DIP2C: variants seen among roughly 807,000 people sequenced by gnomAD.
DIP2C encodes the protein DIP2 acetate--CoA ligase C (putative), also known as disco-interacting protein 2 homolog C.
In DIP2C, 33 loss-of-function variants were observed where a neutral mutation model predicts 192.4. The ratio of observed to expected loss-of-function variants is 0.17; its 90% CI spans 0.13 to 0.23. The LOEUF (loss-of-function observed/expected upper bound fraction) is 0.23. Ranked by LOEUF, DIP2C falls within the 10% of genes least tolerant of loss-of-function variation. The pLI is 1.00. For synonymous variants in DIP2C, 979 were observed against 864.1 expected, an observed-to-expected ratio of 1.13 and a Z score of -2.33; for missense variants, 1,537 against 2,110.1, an observed-to-expected ratio of 0.73 and a Z score of 5.32.
intron 10 of DIP2C, 115 bp downstream of exon 10, chr10:398,994 C>T: frequency 1.1e-6 from 1 of 870,020 alleles, no homozygotes; most frequent in South Asian, 1.6e-5. Flanking sequence ...ATCGAGGCAA[C>T]CGAAGGAAAC....
intron 1 of DIP2C, among the ~76,000 whole-genome samples, chr10:506,442 C>G (rs1845599386): frequency 6.6e-6 from 1 of 152,144 alleles, no homozygotes; most frequent in Admixed American, 6.5e-5. Flanking sequence ...GGGTCTGAGG[C>G]TTTCAACTGT....
rs1295316637 is a variant in DIP2C at position 341,056 on chromosome 10, T to G, written c.3584+143A>C. ...CGAGAGCCAAGTCCACCAGGAGAAGTAGAGGGACACGGGTAAGCCCCAGGC... is the reference window on the plus strand; with the variant it reads ...CGAGAGCCAAGTCCACCAGGAGAAGGAGAGGGACACGGGTAAGCCCCAGGC... On this transcript the variant is annotated intron_variant, in intron 29 of 36. Transcript: ENST00000280886. 10 of 1,171,004 alleles carry G rather than the reference T, an allele frequency of 8.5e-6. No individual in the cohort carries two copies. In the East Asian group the frequency reaches 2.1e-4, roughly 25 times the overall value. 72.5% of individuals were successfully genotyped at this position (1,171,004 alleles called of 1,614,324 possible).
At chr10:606,936 C>A (rs1203579171) in intron 1 of DIP2C, among the ~76,000 whole-genome samples, 1 of 152,166 alleles carries the variant, frequency 6.6e-6, no homozygotes, top group East Asian at 1.9e-4. Flanking sequence ...TTCCAAGCAA[C>A]TAGGCAGCCA....
chr10:378,895 G>A (rs1190798066), intron 17 of DIP2C, among the ~76,000 whole-genome samples: 1 of 152,226 alleles, frequency 6.6e-6, no homozygotes, highest in Non-Finnish European at 1.5e-5. Flanking sequence ...ACACAGACAT[G>A]CATAAAGACA....
intron 2 of DIP2C, among the ~76,000 whole-genome samples, chr10:476,761 T>C (rs1237551689): frequency 6.6e-6 from 1 of 152,174 alleles, no homozygotes; most frequent in Non-Finnish European, 1.5e-5. Context: ...TCTGGCTTGT[T>C]TTGAAAACAG....
chr10:382,745 G>C lies in DIP2C; in HGVS notation c.1893C>G (p.Cys631Trp). 6.2e-7 allele frequency: 1 copy of C among 1,612,354 alleles called. No individual in the cohort carries two copies. The highest frequency in any genetic ancestry group is 8.5e-7 in the Non-Finnish European group (1 of 1,179,176). ...DGANPWSISS[C>W]DAFLNVFQSK... ...TTTGGAAGACATTGAGAAATGCATC[G>C]CAAGAAGAAATAGACCCTAGAGTGA... Residue 631 changes from cysteine to tryptophan, a missense_variant, in exon 17 of 37, where the codon TGC (cysteine) becomes TGG (tryptophan). Cys to Trp is a radical substitution (Grantham distance 215, BLOSUM62 -2). Coordinates refer to ENST00000280886, the MANE Select transcript of DIP2C (RefSeq NM_014974.3).
At chr10:655,199 G>A (rs1179002309) in intron 1 of DIP2C, among the ~76,000 whole-genome samples, 2 of 152,170 alleles carry the variant, frequency 1.3e-5, no homozygotes, top group Non-Finnish European at 2.9e-5. Flanking sequence ...TAGTCAACTG[G>A]GAAGGGGGCA....
intron 31 of DIP2C, among the ~76,000 whole-genome samples, chr10:321,631 G>A (rs1272439361): frequency 6.6e-5 from 8 of 120,670 alleles, no homozygotes; most frequent in African/African-American, 1.3e-4. Flanking sequence ...CGGGGGTGCG[G>A]GGCTCCGGCG....
At chr10:491,157 C>T (rs952043341) in intron 1 of DIP2C, among the ~76,000 whole-genome samples, 2 of 152,124 alleles carry the variant, frequency 1.3e-5, no homozygotes, top group South Asian at 2.1e-4. Context: ...GTGCTGTGAA[C>T]GTCAGGCTCA....
At chr10:359,231 C>T (rs144791060) in intron 22 of DIP2C, among the ~76,000 whole-genome samples, 54 of 152,334 alleles carry the variant, frequency 3.5e-4, no homozygotes, top group Admixed American at 1.6e-3. Context: ...CAGGGCCTGA[C>T]GTCCTCTAGC....
intron 31 of DIP2C, among the ~76,000 whole-genome samples, chr10:310,681 C>G (rs1356678708): frequency 6.6e-6 from 1 of 152,178 alleles, no homozygotes; most frequent in Non-Finnish European, 1.5e-5. Context: ...ACTTTGTGGT[C>G]TGAGCCATTC....
At chr10:327,243 C>G (rs938362682) in intron 30 of DIP2C, 67 bp from the exon 31 acceptor site, 7 of 1,535,132 alleles carry the variant, frequency 4.6e-6, no homozygotes, top group Non-Finnish European at 5.3e-6. Context: ...CCAGAGACTC[C>G]TTCCCACAGA....
intron 8 of DIP2C, among the ~76,000 whole-genome samples, chr10:410,925 G>T (rs903023209): frequency 6.6e-6 from 1 of 152,264 alleles, no homozygotes; most frequent in Non-Finnish European, 1.5e-5. Context: ...AGATGTGTGT[G>T]ATGTCAGCAC....
At chr10:333,378 T>C (rs1277609221) in intron 29 of DIP2C, among the ~76,000 whole-genome samples, 1 of 152,224 alleles carries the variant, frequency 6.6e-6, no homozygotes, top group Non-Finnish European at 1.5e-5. Context: ...GTCAGTCCCA[T>C]TTCCAGCCCT....
At chr10:610,453 T>C (rs1853014063) in intron 1 of DIP2C, among the ~76,000 whole-genome samples, 1 of 152,228 alleles carries the variant, frequency 6.6e-6, no homozygotes, top group Non-Finnish European at 1.5e-5. Context: ...ACTTGAATGT[T>C]ACTAGCACAA....
intron 1 of DIP2C, among the ~76,000 whole-genome samples, chr10:570,258 TCA>T (rs1849701118): frequency 2.0e-5 from 3 of 152,122 alleles, no homozygotes; most frequent in South Asian, 2.1e-4. Flanking sequence ...CATTTAAACT[TCA>T]CAGTGTCACA....
At chr10:615,245 T>C (rs928423835) in intron 1 of DIP2C, among the ~76,000 whole-genome samples, 1 of 152,176 alleles carries the variant, frequency 6.6e-6, no homozygotes, top group Non-Finnish European at 1.5e-5. Flanking sequence ...GAGATCTGTT[T>C]CCCTGTAGGA....
At chr10:281,739 C>T (rs1183824712) in intron 35 of DIP2C, among the ~76,000 whole-genome samples, 1 of 152,210 alleles carries the variant, frequency 6.6e-6, no homozygotes, top group African/African-American at 2.4e-5. Context: ...CACAGTCAGA[C>T]CAGCTCTGTG....
intron 1 of DIP2C, among the ~76,000 whole-genome samples, chr10:596,496 C>CAAAAAAAAAAAAA (rs56298679): frequency 3.4e-4 from 18 of 52,934 alleles, no homozygotes; most frequent in Middle Eastern, 0.02. Flanking sequence ...AACTCCATCT[C>CAAAAAAAAAAAAA]AAAAAAAAAA....
Sources: allele counts gnomAD v4.1 joint callset (sites outside exome capture counted in the v4.1 genomes callset), GRCh38; gene constraint gnomAD v4.1.1; transcripts MANE v1.5; gene names NCBI Gene and HGNC (gene_info 2026-07-23, HGNC 2026-07-21).